Variants in XKR4 observed in about 807,000 individuals in gnomAD.
XKR4 encodes the protein XK related 4.
In XKR4, 12 loss-of-function variants were observed where a neutral mutation model predicts 53.9. That is an observed-to-expected ratio of 0.22 (90% confidence interval 0.14 to 0.36). The LOEUF (loss-of-function observed/expected upper bound fraction) is 0.36. XKR4 is among the 10% of genes least tolerant of loss of function. The pLI is 1.00. For missense variants in XKR4, 799 were observed against 859.5 expected, an observed-to-expected ratio of 0.93 and a Z score of 0.88; for synonymous variants, 354 against 362.4, an observed-to-expected ratio of 0.98 and a Z score of 0.26.
At chr8:55,372,250 C>A (rs1009240327) in intron 2 of XKR4, among the ~76,000 whole-genome samples, 1 of 152,206 alleles carries the variant, frequency 6.6e-6, no homozygotes, top group Non-Finnish European at 1.5e-5. Context: ...GTGGTGTCTT[C>A]ATTTGCCAAC....
chr8:55,507,519 A>AG, intron 2 of XKR4, among the ~76,000 whole-genome samples: 1 of 152,158 alleles, frequency 6.6e-6, no homozygotes, highest in Non-Finnish European at 1.5e-5. Flanking sequence ...ACCCTACAAC[A>AG]GGCCCCAATG....
chr8:55,224,465 A>T (rs973915123), intron 1 of XKR4, among the ~76,000 whole-genome samples: 1 of 152,214 alleles, frequency 6.6e-6, no homozygotes, highest in East Asian at 1.9e-4. Context: ...TGATTTTGTC[A>T]TAAGACTTAG....
chr8:55,512,932 G>T (rs1032506800), intron 2 of XKR4, among the ~76,000 whole-genome samples: 2 of 152,116 alleles, frequency 1.3e-5, no homozygotes, highest in African/African-American at 4.8e-5. Flanking sequence ...AGGGCTTCAG[G>T]TCTCAAGGTT....
intron 2 of XKR4, among the ~76,000 whole-genome samples, chr8:55,492,895 C>G (rs1346107156): frequency 1.3e-5 from 2 of 152,232 alleles, no homozygotes; most frequent in African/African-American, 2.4e-5. Flanking sequence ...TGAGGTCACT[C>G]TCTCAGCACC....
intron 2 of XKR4, among the ~76,000 whole-genome samples, chr8:55,448,008 T>C (rs1805371468): frequency 6.6e-6 from 1 of 152,188 alleles, no homozygotes; most frequent in African/African-American, 2.4e-5. Flanking sequence ...ACTCCTGAGA[T>C]TGAGTCAGCC....
chr8:55,378,710 A>G (rs1804186211), intron 2 of XKR4, among the ~76,000 whole-genome samples: 1 of 152,210 alleles, frequency 6.6e-6, no homozygotes, highest in Non-Finnish European at 1.5e-5. Context: ...ACAGAAATGG[A>G]GAATGGGAAG....
At chr8:55,193,123 C>T (rs563366245) in intron 1 of XKR4, among the ~76,000 whole-genome samples, 26 of 151,542 alleles carry the variant, frequency 1.7e-4, no homozygotes, top group Admixed American at 2.6e-4. Context: ...TTATATCGGA[C>T]TGGGTTAGAA....
chr8:55,469,102 T>C (rs1243155100), intron 2 of XKR4, among the ~76,000 whole-genome samples: 2 of 152,102 alleles, frequency 1.3e-5, no homozygotes, highest in Non-Finnish European at 2.9e-5. Context: ...GGACAGAATA[T>C]TTCTCAACTG....
chr8:55,480,196 A>G (rs1335993823), intron 2 of XKR4, among the ~76,000 whole-genome samples: 3 of 152,232 alleles, frequency 2.0e-5, no homozygotes, highest in African/African-American at 7.2e-5. Flanking sequence ...CAAAAAGCTT[A>G]TCCACCACAA....
At chr8:55,200,425 T>A (rs183321380) in intron 1 of XKR4, among the ~76,000 whole-genome samples, 3 of 152,352 alleles carry the variant, frequency 2.0e-5, no homozygotes, top group African/African-American at 7.2e-5. Context: ...TAGCCAGACA[T>A]GTGATTACAA....
chr8:55,254,408 T>A (rs1362984985), intron 1 of XKR4, among the ~76,000 whole-genome samples: 1 of 152,180 alleles, frequency 6.6e-6, no homozygotes, highest in East Asian at 1.9e-4. Flanking sequence ...TGTCATGGAT[T>A]GGGCGTGTGG....
chr8:55,143,748 T>C (rs1816735898), intron 1 of XKR4, among the ~76,000 whole-genome samples: 1 of 152,208 alleles, frequency 6.6e-6, no homozygotes, highest in Non-Finnish European at 1.5e-5. Flanking sequence ...GAATGACCCA[T>C]GTGCTTTTCT....
intron 1 of XKR4, among the ~76,000 whole-genome samples, chr8:55,172,440 T>A (rs1362183457): frequency 6.6e-6 from 1 of 152,158 alleles, no homozygotes; most frequent in Admixed American, 6.5e-5. Context: ...TGGTAAAAAA[T>A]GTTATATTTT....
At chr8:55,132,163 T>C (rs1816565099) in intron 1 of XKR4, among the ~76,000 whole-genome samples, 1 of 152,210 alleles carries the variant, frequency 6.6e-6, no homozygotes. Context: ...CACCAGGCAG[T>C]GTGCTTCACA....
intron 2 of XKR4, among the ~76,000 whole-genome samples, chr8:55,383,224 A>T (rs1804261383): frequency 6.6e-6 from 1 of 152,348 alleles, no homozygotes; most frequent in Non-Finnish European, 1.5e-5. Flanking sequence ...AAAAATAACA[A>T]TGAAAAATGA....
At chr8:55,459,483 T>C (rs1439232504) in intron 2 of XKR4, among the ~76,000 whole-genome samples, 1 of 151,642 alleles carries the variant, frequency 6.6e-6, no homozygotes, top group Non-Finnish European at 1.5e-5. Context: ...TTTAGAAAAA[T>C]AAAGAAAACC....
chr8:55,358,955 C>A (rs1210680345), intron 2 of XKR4, among the ~76,000 whole-genome samples: 1 of 152,140 alleles, frequency 6.6e-6, no homozygotes, highest in Non-Finnish European at 1.5e-5. Flanking sequence ...GTGCATGTTA[C>A]CTGTATAGGA....
intron 2 of XKR4, chr8:55,454,108 G>A: frequency 1.2e-6 from 1 of 830,532 alleles, no homozygotes; most frequent in Admixed American, 1.7e-5. Context: ...GGGACGTCAT[G>A]GGTGGAGGGA....
chr8:55,496,525 AT>A (rs1167373215), intron 2 of XKR4, among the ~76,000 whole-genome samples: 1 of 152,202 alleles, frequency 6.6e-6, no homozygotes, highest in African/African-American at 2.4e-5. Context: ...TTGATAATAC[AT>A]TTTTAAGATT....
Sources: gnomAD v4.1 joint callset for allele counts (sites outside exome capture counted in the v4.1 genomes callset) on GRCh38, gnomAD v4.1.1 for gene constraint, MANE v1.5 for transcripts, NCBI Gene and HGNC (gene_info 2026-07-23, HGNC 2026-07-21) for gene names.